ATXN7: variants seen among roughly 807,000 people sequenced by gnomAD.
The protein encoded by ATXN7 is ataxin 7.
A neutral mutation model predicts 70.5 loss-of-function variants in ATXN7; 12 were observed. The ratio of observed to expected loss-of-function variants is 0.17; its 90% confidence interval spans 0.11 to 0.28. The LOEUF (loss-of-function observed/expected upper bound fraction) is 0.28. Among genes scored for constraint, ATXN7 ranks in the 10% least tolerant of loss-of-function variants. ATXN7 has a pLI of 1.00. For synonymous variants in ATXN7, 498 were observed against 448.7 expected, an observed-to-expected ratio of 1.11 and a Z score of -1.39; for missense variants, 1,256 against 1,131.7, an observed-to-expected ratio of 1.11 and a Z score of -1.58.
intron 1 of ATXN7, among the ~76,000 whole-genome samples, chr3:63,885,359 C>T (rs1703056576): frequency 6.6e-6 from 1 of 152,124 alleles, no homozygotes; most frequent in African/African-American, 2.4e-5. Context: ...TATCACTAAT[C>T]ATCAGGGACA....
chr3:63,980,299 A>G, intron 6 of ATXN7, 132 bp downstream of exon 6: 1 of 1,270,012 alleles, frequency 7.9e-7, no homozygotes, highest in Admixed American at 2.4e-5. Context: ...TGTATGTTGT[A>G]TTGTTTCTTG....
intron 1 of ATXN7, chr3:63,873,701 G>T (rs563945243): frequency 6.6e-6 from 1 of 152,262 alleles, no homozygotes; most frequent in East Asian, 1.9e-4. Context: ...ACATCTAAGG[G>T]TTTTGTTTTG....
intron 2 of ATXN7, among the ~76,000 whole-genome samples, chr3:63,907,456 CTTTTTTTTTT>C (rs946462374): frequency 2.1e-4 from 24 of 116,630 alleles, no homozygotes; most frequent in African/African-American, 7.9e-4. Flanking sequence ...CATTCCTTGT[CTTTTTTTTTT>C]TTTTTTTTTT....
At chr3:63,867,903 CAAAT>C (rs1452361070) in intron 1 of ATXN7, among the ~76,000 whole-genome samples, 1 of 151,972 alleles carries the variant, frequency 6.6e-6, no homozygotes, top group African/African-American at 2.4e-5. Flanking sequence ...AAATAACAAA[CAAAT>C]AAATAAATAA....
Position 63,925,160 on chromosome 3 carries a change from G to A in ATXN7, c.394+11935G>A, listed in dbSNP as rs141756276. ...GGAATAAGATGGTTAGTTCATTCTC[G>A]TCATTTCTGTGAAGGAAGAGGGAAG... is the stretch of plus-strand genomic sequence containing the variant. On this transcript the variant is annotated intron_variant, in intron 4 of 12. Transcript: ENST00000674280. 2.7e-3 allele frequency among the ~76,000 whole-genome samples: 409 copies of A among 152,260 alleles called. 1 individual carries two copies. Among genetic ancestry groups the A allele is most frequent in the African/African-American group, 9.3e-3 (388 of 41,536 alleles).
intron 1 of ATXN7, among the ~76,000 whole-genome samples, chr3:63,879,522 C>T (rs998065617): frequency 6.9e-6 from 1 of 145,498 alleles, no homozygotes; most frequent in East Asian, 2.1e-4. Context: ...GAGTCTTGCT[C>T]TGTCACCCAG....
chr3:63,878,828 G>A (rs1702822268), intron 1 of ATXN7, among the ~76,000 whole-genome samples: 1 of 152,182 alleles, frequency 6.6e-6, no homozygotes, highest in South Asian at 2.1e-4. Flanking sequence ...TTCAGCCACT[G>A]CCAGAAAAGG....
rs1490517091 is a variant in ATXN7, at chr3:63,965,377, C to A, written c.499+12894C>A. Among the ~76,000 whole-genome samples, 5 of 152,284 alleles carry A rather than the reference C, an allele frequency of 3.3e-5. No homozygotes were observed. In the East Asian group the frequency reaches 5.8e-4, roughly 18 times the overall value. ...TGCTCAGACTGCAGGCTGGCTGCCC[C>A]CTGAACCCAAACCTTGAGTGTTCCT... On this transcript the variant is annotated intron_variant, in intron 5 of 12. Transcript: ENST00000674280.
At chr3:63,986,978 A>G (rs1467435262) in intron 8 of ATXN7, among the ~76,000 whole-genome samples, 3 of 152,180 alleles carry the variant, frequency 2.0e-5, no homozygotes, top group African/African-American at 7.2e-5. Flanking sequence ...GGGCCACTGT[A>G]GCTCATGTAA....
chr3:63,884,243 A>T (rs991968400), intron 1 of ATXN7, among the ~76,000 whole-genome samples: 1 of 100,614 alleles, frequency 9.9e-6, no homozygotes, highest in African/African-American at 3.6e-5. Context: ...ACACACACAT[A>T]CTCTCACACA....
intron 11 of ATXN7, among the ~76,000 whole-genome samples, chr3:63,994,348 C>CCT (rs1401994999): frequency 1.2e-4 from 19 of 152,146 alleles, no homozygotes; most frequent in Non-Finnish European, 1.5e-5. Context: ...GATTCTCCTG[C>CCT]CTCAGCCTTC....
chr3:63,994,292 T>C (rs1191099878), intron 11 of ATXN7, among the ~76,000 whole-genome samples: 2 of 152,174 alleles, frequency 1.3e-5, no homozygotes, highest in East Asian at 1.9e-4. Context: ...TGGAGTGCAG[T>C]AGTGTGATTT....
At chr3:63,899,441 T>C (rs940440297) in intron 2 of ATXN7, among the ~76,000 whole-genome samples, 2 of 151,910 alleles carry the variant, frequency 1.3e-5, no homozygotes, top group Non-Finnish European at 1.5e-5. Context: ...TTTCACATAA[T>C]ATGAAGCAGG....
At chr3:63,898,318 G>A (rs1225894935) in intron 1 of ATXN7, 81 bp from the exon 2 acceptor site, 1 of 151,756 alleles carries the variant, frequency 6.6e-6, no homozygotes, top group Non-Finnish European at 1.5e-5. Context: ...TGGAATATCT[G>A]GCAACCAATG....
At chr3:63,997,381 A>G (rs1301172851) in intron 12 of ATXN7, among the ~76,000 whole-genome samples, 1 of 152,240 alleles carries the variant, frequency 6.6e-6, no homozygotes, top group African/African-American at 2.4e-5. Flanking sequence ...TGGGCATAGC[A>G]GAAGACTGAA....
intron 1 of ATXN7, among the ~76,000 whole-genome samples, chr3:63,873,229 G>A (rs1037633687): frequency 6.6e-6 from 1 of 152,144 alleles, no homozygotes; most frequent in Non-Finnish European, 1.5e-5. Context: ...ATCAGCCAGA[G>A]ATCTTTGGTT....
At chr3:63,936,488 A>T (rs916412457) in intron 4 of ATXN7, among the ~76,000 whole-genome samples, 15 of 152,214 alleles carry the variant, frequency 9.9e-5, no homozygotes, top group African/African-American at 3.6e-4. Flanking sequence ...AAATCATTAG[A>T]TATACAGTAA....
intron 4 of ATXN7, among the ~76,000 whole-genome samples, chr3:63,945,228 A>G (rs748052848): frequency 4.6e-5 from 7 of 152,234 alleles, no homozygotes; most frequent in Non-Finnish European, 1.0e-4. Flanking sequence ...ACACAGGGCA[A>G]CTGAGATTCA....
At chr3:63,998,208 GGGCCA>G (rs1280201589) in intron 12 of ATXN7, 2 of 920,988 alleles carry the variant, frequency 2.2e-6, no homozygotes, top group East Asian at 2.8e-4. Context: ...GAAGGGGGGG[GGGCCA>G]GGTGGGGCAC....
Sources: allele counts gnomAD v4.1 joint callset (sites outside exome capture counted in the v4.1 genomes callset), GRCh38; gene constraint gnomAD v4.1.1; transcripts MANE v1.5; gene names NCBI Gene and HGNC (gene_info 2026-07-23, HGNC 2026-07-21).